Variants in SRPX2 observed in about 807,000 individuals in gnomAD.
SRPX2 encodes sushi repeat containing protein X-linked 2.
SRPX2 carries 26 observed loss-of-function variants against 45.3 expected under a neutral mutation model. The observed-to-expected ratio is 0.57, with a 90% confidence interval of 0.42 to 0.80. The LOEUF (loss-of-function observed/expected upper bound fraction) is 0.80. Among genes scored for constraint, SRPX2 ranks in the 30% least tolerant of loss-of-function variants. The probability of loss-of-function intolerance (pLI) is 0.00; values close to 1 mark genes in which losing one functional copy is unlikely to be tolerated. For synonymous variants in SRPX2, 125 were observed against 143.7 expected, an observed-to-expected ratio of 0.87 and a Z score of 0.93; for missense variants, 355 against 399.8, an observed-to-expected ratio of 0.89 and a Z score of 0.95.
chrX:100,671,093 ACT>A lies in SRPX2; in HGVS notation c.*109_*110del. On this transcript the variant is annotated 3_prime_UTR_variant, in exon 11 of 11. Transcript: ENST00000373004. ...GTTTTCCCACAGTTCTAGGGACAGG[ACT>A]CTGAGGTGGGTGAGTTTGACAAATC... 1 of 920,191 alleles carries A rather than the reference ACT, an allele frequency of 1.1e-6. No homozygotes were observed. Among genetic ancestry groups the A allele is most frequent in the Non-Finnish European group, 1.5e-6 (1 of 657,694 alleles). The allele number at this position is 920,191 out of a possible 1,213,427, so 75.8% of individuals were successfully genotyped here.
Position 100,671,961 on chromosome X carries a change from C to G in SRPX2, c.*974C>G, listed in dbSNP as rs1192043318. ...TTTCTGTAGCAGAAGGCAAACGATT[C>G]TCTCCCTTCCTCAGAGGAGTCCCCA... On this transcript the variant is annotated 3_prime_UTR_variant, in exon 11 of 11. Coordinates refer to ENST00000373004, the MANE Select transcript of SRPX2 (RefSeq NM_014467.3). 8.9e-6 allele frequency: 1 copy of G among 112,184 alleles called. No homozygotes were observed. Among genetic ancestry groups the G allele is most frequent in the African/African-American group, 3.2e-5 (1 of 30,825 alleles). 9.2% of individuals were successfully genotyped at this position (112,184 alleles called of 1,213,427 possible).
At chrX:100,660,110 T>A (rs752634424) in intron 3 of SRPX2, among the ~76,000 whole-genome samples, 1 of 112,187 alleles carries the variant, frequency 8.9e-6, no homozygotes, top group Admixed American at 9.5e-5. Flanking sequence ...CACATTCCCT[T>A]CCTCTCTCTA....
intron 3 of SRPX2, among the ~76,000 whole-genome samples, chrX:100,653,151 T>G (rs1310569771): frequency 4.5e-5 from 5 of 111,394 alleles, no homozygotes; most frequent in Admixed American, 1.9e-4. Context: ...GATCTGAACT[T>G]GGGTCAACCC....
At chrX:100,655,704 T>C (rs2083166294) in intron 3 of SRPX2, among the ~76,000 whole-genome samples, 1 of 110,439 alleles carries the variant, frequency 9.1e-6, no homozygotes, top group Admixed American at 9.7e-5. Flanking sequence ...ACAGGGCTGT[T>C]GGGAGAACTG....
At chrX:100,663,447 T>G (rs1602723227) in intron 4 of SRPX2, among the ~76,000 whole-genome samples, 2 of 111,868 alleles carry the variant, frequency 1.8e-5, no homozygotes, top group Admixed American at 1.9e-4. Context: ...ATGCTTTGGA[T>G]CTATCATTTT....
At position 100,666,739 on chromosome X, in the gene SRPX2, G is replaced by A. The variant is rs1250537250; in HGVS notation, c.782-15G>A. The A allele has an allele frequency of 4.1e-6, 5 of 1,210,575 alleles. No individual in the cohort carries two copies. The South Asian group carries it at 8.8e-5, about 21-fold the overall frequency. On this transcript the variant is annotated splice_polypyrimidine_tract_variant and intron_variant, in intron 7 of 10. Transcript: ENST00000373004. ...AGAAACACCATAACTTCTAACTTGA[G>A]CTCCTCCCTGACAGTGAGACGCTGC...
intron 4 of SRPX2, among the ~76,000 whole-genome samples, chrX:100,662,617 G>A (rs1879910004): frequency 8.9e-6 from 1 of 112,006 alleles, no homozygotes; most frequent in Non-Finnish European, 1.9e-5. Context: ...GCCCAGGAGT[G>A]CACAGCCAGA....
chrX:100,660,533 T>C (rs1181096032), intron 3 of SRPX2, among the ~76,000 whole-genome samples: 2 of 111,926 alleles, frequency 1.8e-5, no homozygotes. Flanking sequence ...CATTCACCCA[T>C]AGAAAGACAT....
intron 5 of SRPX2, 95 bp downstream of exon 5, chrX:100,665,045 C>A: frequency 9.0e-7 from 1 of 1,106,101 alleles, no homozygotes; most frequent in Non-Finnish European, 1.2e-6. Flanking sequence ...GAAGGCATTC[C>A]TCTTAGCTAT....
At chrX:100,669,401 G>T in intron 10 of SRPX2, 32 bp downstream of exon 10, 1 of 972,426 alleles carries the variant, frequency 1.0e-6, no homozygotes, top group Non-Finnish European at 1.4e-6. Context: ...AACTTGGGGG[G>T]AGGGGGGGCT....
chrX:100,675,247 C>G lies in SRPX2; in HGVS notation c.*4260C>G, dbSNP rs2083257860. The stretch of plus-strand genomic sequence containing the variant: ...GTGAGACACTTTACCCTCAGTCACT[C>G]TGGTCCTCTGAGATCAGCTAGAAGC... On this transcript the variant is annotated 3_prime_UTR_variant, in exon 11 of 11. Coordinates refer to ENST00000373004, the MANE Select transcript of SRPX2 (RefSeq NM_014467.3). The G allele has an allele frequency of 8.9e-6, 1 of 112,852 alleles. No individual in the cohort carries two copies. The highest frequency in any genetic ancestry group is 3.2e-5 in the African/African-American group (1 of 31,020). The allele number at this position is 112,852 out of a possible 1,213,427, so 9.3% of individuals were successfully genotyped here.
At chrX:100,648,121 C>T (rs187752887) in intron 2 of SRPX2, among the ~76,000 whole-genome samples, 1 of 112,364 alleles carries the variant, frequency 8.9e-6, no homozygotes, top group African/African-American at 3.2e-5. Flanking sequence ...AAATGTGGAT[C>T]CAGGGCTAAT....
chrX:100,668,508 T>C (rs559601072), intron 9 of SRPX2, among the ~76,000 whole-genome samples: 1 of 110,107 alleles, frequency 9.1e-6, no homozygotes, highest in Admixed American at 9.6e-5. Flanking sequence ...GGGTAAGGAC[T>C]AGAGGGGAAG....
rs2083245250 is a variant in SRPX2 at position 100,674,385 on chromosome X, T to A, written c.*3398T>A. Reference sequence around the variant, plus strand: ...TTTTCTTCAATCAGCATAGGATGGTTAGGGAAGAGCATTTATCACTTTGGT... The same window carrying A: ...TTTTCTTCAATCAGCATAGGATGGTAAGGGAAGAGCATTTATCACTTTGGT... On this transcript the variant is annotated 3_prime_UTR_variant, in exon 11 of 11. Transcript: ENST00000373004. The A allele has an allele frequency of 8.9e-6, 1 of 112,440 alleles. No individual in the cohort carries two copies. Among genetic ancestry groups the A allele is most frequent in the Non-Finnish European group, 1.9e-5 (1 of 53,278 alleles). 9.3% of individuals were successfully genotyped at this position (112,440 alleles called of 1,213,427 possible). A position where few individuals can be genotyped will look rare whatever the true frequency, so the allele number is the denominator to read the frequency against.
chrX:100,645,334 C>T (rs1227702055), intron 1 of SRPX2, among the ~76,000 whole-genome samples: 2 of 111,927 alleles, frequency 1.8e-5, no homozygotes, highest in Non-Finnish European at 3.8e-5. Context: ...AGTATTTGCC[C>T]GCTGGGAACC....
intron 1 of SRPX2, 57 bp from the exon 2 acceptor site, chrX:100,646,136 G>A: frequency 2.2e-6 from 1 of 455,914 alleles, no homozygotes; most frequent in Admixed American, 3.3e-5. Context: ...AGATCCTTAT[G>A]AGGGAGATAA....
chrX:100,668,728 G>A (rs185953991), intron 9 of SRPX2, among the ~76,000 whole-genome samples: 10 of 111,975 alleles, frequency 8.9e-5, no homozygotes, highest in Non-Finnish European at 1.7e-4. Context: ...TGGAGACCGA[G>A]CGAAGGCCCT....
Position 100,646,400 on chromosome X carries a change from T to A in SRPX2, c.78T>A (p.Tyr26Ter). 1 of 1,209,504 alleles carries A rather than the reference T, an allele frequency of 8.3e-7. No homozygotes were observed. ...FLTPAVTPTWYAGSGYYPDES... is the reference protein window; with the variant it reads ...FLTPAVTPTW ...CTCCGGCAGTGACACCAACATGGTATGCAGGTAAGTTCTAGGAGCTGTTGC... is the reference window on the plus strand; with the variant it reads ...CTCCGGCAGTGACACCAACATGGTAAGCAGGTAAGTTCTAGGAGCTGTTGC... Residue 26 changes from tyrosine to a stop codon, truncating the protein, a stop_gained, in exon 2 of 11, where the codon TAT becomes TAA. Transcript: ENST00000373004. LOFTEE classifies it high-confidence loss of function.
At position 100,650,895 on chromosome X, in the gene SRPX2, A is replaced by G. The variant is rs1569358365; in HGVS notation, c.163+30A>G. ...TCTACCCTGCTTCTCAAGCCCAGAA[A>G]ATCTCTTTTCTGGCCTCAGACCTAG... On this transcript the variant is annotated intron_variant, in intron 3 of 10. Coordinates refer to ENST00000373004, the MANE Select transcript of SRPX2 (RefSeq NM_014467.3). 5.1e-6 allele frequency: 6 copies of G among 1,165,531 alleles called. No homozygotes were observed. The Admixed American group carries it at 1.1e-4, about 21-fold the overall frequency.
Sources: gnomAD v4.1 joint callset for allele counts (sites outside exome capture counted in the v4.1 genomes callset) on GRCh38, gnomAD v4.1.1 for gene constraint, MANE v1.5 for transcripts, NCBI Gene and HGNC (gene_info 2026-07-23, HGNC 2026-07-21) for gene names.